Variants in PSD3 observed in about 807,000 individuals in gnomAD.
PSD3 encodes the protein PH and SEC7 domain-containing protein 3.
Under a neutral mutation model 105.5 loss-of-function variants are expected in PSD3, and 49 were observed. The ratio of observed to expected loss-of-function variants is 0.46; its 90% CI spans 0.37 to 0.59. PSD3 has a LOEUF of 0.59. PSD3 is among the 20% of genes least tolerant of loss of function. The pLI is 0.00. For synonymous variants in PSD3, 557 were observed against 457.8 expected (o/e 1.22, Z -2.77); for missense variants, 1,561 against 1,263.8 (o/e 1.24, Z -3.57).
chr8:18,808,890 G>A, intron 4 of PSD3: 1 of 1,574,884 alleles, frequency 6.3e-7, no homozygotes, highest in Non-Finnish European at 8.6e-7. Flanking sequence ...AGCCTTCCAA[G>A]AACCTGGCTC....
chr8:18,952,025 C>G (rs534215062), intron 1 of PSD3, among the ~76,000 whole-genome samples: 2 of 152,270 alleles, frequency 1.3e-5, no homozygotes, highest in East Asian at 3.9e-4. Flanking sequence ...TTCCTTGCTA[C>G]ATAAGACTGA....
At chr8:19,065,441 C>A (rs1483507333) in intron 1 of PSD3, among the ~76,000 whole-genome samples, 1 of 152,164 alleles carries the variant, frequency 6.6e-6, no homozygotes, top group African/African-American at 2.4e-5. Context: ...GACAAGACTG[C>A]ACCCCCTGAC....
intron 2 of PSD3, among the ~76,000 whole-genome samples, chr8:18,922,530 C>T (rs572389425): frequency 6.7e-4 from 102 of 152,254 alleles, no homozygotes; most frequent in African/African-American, 2.3e-3. Context: ...CCCCACAAAC[C>T]GAGCAAGCAA....
At chr8:18,730,725 T>C (rs922427604) in intron 9 of PSD3, among the ~76,000 whole-genome samples, 3 of 152,202 alleles carry the variant, frequency 2.0e-5, no homozygotes, top group Admixed American at 1.3e-4. Context: ...CAAATAGATC[T>C]CCAAACATTG....
intron 1 of PSD3, among the ~76,000 whole-genome samples, chr8:19,035,371 T>C (rs1467204057): frequency 6.6e-6 from 1 of 152,182 alleles, no homozygotes; most frequent in African/African-American, 2.4e-5. Flanking sequence ...ACTATGAACA[T>C]GAAAACTGCT....
intron 12 of PSD3, among the ~76,000 whole-genome samples, chr8:18,595,424 T>C (rs1300616255): frequency 3.7e-5 from 5 of 133,460 alleles, no homozygotes; most frequent in African/African-American, 1.1e-4. Context: ...CAGCTGGGAG[T>C]GTGGTTGAAT....
chr8:18,833,951 A>G (rs1264600278), intron 4 of PSD3, among the ~76,000 whole-genome samples: 3 of 152,194 alleles, frequency 2.0e-5, no homozygotes, highest in African/African-American at 7.2e-5. Flanking sequence ...GTTAGAAAAC[A>G]TAACTGAAAA....
intron 1 of PSD3, among the ~76,000 whole-genome samples, chr8:18,966,628 G>A (rs1824268033): frequency 6.7e-6 from 1 of 149,150 alleles, no homozygotes; most frequent in Non-Finnish European, 1.5e-5. Flanking sequence ...TACTTCCCTA[G>A]ACCTCCTGGC....
At chr8:18,710,496 C>G (rs1802187910) in intron 9 of PSD3, among the ~76,000 whole-genome samples, 1 of 152,136 alleles carries the variant, frequency 6.6e-6, no homozygotes, top group Middle Eastern at 3.4e-3. Flanking sequence ...CCCAGAGAAC[C>G]ACAGTAAGAT....
intron 8 of PSD3, among the ~76,000 whole-genome samples, chr8:18,766,921 C>G (rs1489281715): frequency 2.6e-5 from 4 of 152,214 alleles, no homozygotes; most frequent in African/African-American, 9.6e-5. Flanking sequence ...ATACGCCTAT[C>G]CCTTTGCACT....
chr8:19,032,792 T>A (rs1022506279), intron 1 of PSD3, among the ~76,000 whole-genome samples: 1 of 152,192 alleles, frequency 6.6e-6, no homozygotes, highest in African/African-American at 2.4e-5. Flanking sequence ...CATTAAACAT[T>A]AATGTTAGAG....
intron 1 of PSD3, among the ~76,000 whole-genome samples, chr8:19,059,454 C>T (rs987517503): frequency 6.6e-6 from 1 of 152,186 alleles, no homozygotes; most frequent in African/African-American, 2.4e-5. Flanking sequence ...TCCAGCAGCA[C>T]CAGTAGCAGC....
intron 8 of PSD3, among the ~76,000 whole-genome samples, chr8:18,778,491 T>C (rs1046189363): frequency 3.9e-5 from 6 of 152,134 alleles, no homozygotes; most frequent in African/African-American, 1.4e-4. Flanking sequence ...TCCAGTACTA[T>C]ATTGAATATG....
At chr8:18,798,795 C>CT (rs1810418768) in intron 8 of PSD3, among the ~76,000 whole-genome samples, 1 of 152,056 alleles carries the variant, frequency 6.6e-6, no homozygotes, top group African/African-American at 2.4e-5. Context: ...CATTTTAACA[C>CT]TTTATCTTGT....
chr8:18,987,821 AG>A (rs1825586571), intron 1 of PSD3, among the ~76,000 whole-genome samples: 1 of 152,220 alleles, frequency 6.6e-6, no homozygotes, highest in Non-Finnish European at 1.5e-5. Flanking sequence ...TCAAAAAAAA[AG>A]AAAAAGAAAG....
At chr8:18,589,257 G>A (rs1035590434) in intron 12 of PSD3, among the ~76,000 whole-genome samples, 1 of 152,120 alleles carries the variant, frequency 6.6e-6, no homozygotes, top group African/African-American at 2.4e-5. Context: ...GTATGAGATA[G>A]CCAGCCACCT....
chr8:18,589,288 A>C (rs1803425908), intron 12 of PSD3, among the ~76,000 whole-genome samples: 1 of 152,212 alleles, frequency 6.6e-6, no homozygotes, highest in Non-Finnish European at 1.5e-5. Flanking sequence ...ATAATCTCCA[A>C]GTATCAACAA....
At chr8:18,790,311 T>C (rs946720754) in intron 8 of PSD3, among the ~76,000 whole-genome samples, 6 of 149,818 alleles carry the variant, frequency 4.0e-5, no homozygotes, top group South Asian at 2.1e-4. Flanking sequence ...TTTTCTTTTT[T>C]TTTTTTTTTT....
intron 9 of PSD3, among the ~76,000 whole-genome samples, chr8:18,753,358 A>G (rs1023495481): frequency 2.0e-5 from 3 of 151,924 alleles, no homozygotes; most frequent in African/African-American, 7.3e-5. Context: ...CAACTCCAAA[A>G]AAAAAAAAAT....
Sources: allele counts gnomAD v4.1 joint callset (sites outside exome capture counted in the v4.1 genomes callset), GRCh38; gene constraint gnomAD v4.1.1; transcripts MANE v1.5; gene names NCBI Gene and HGNC (gene_info 2026-07-23, HGNC 2026-07-21).